Variants in SLC39A6 observed in about 807,000 individuals in gnomAD.
SLC39A6 encodes zinc transporter ZIP6.
Under a neutral mutation model 63.5 loss-of-function variants are expected in SLC39A6, and 51 were observed. The ratio of observed to expected loss-of-function variants is 0.80; its 90% CI spans 0.64 to 1.01. SLC39A6 has a LOEUF of 1.01. Among genes scored for constraint, SLC39A6 ranks in the 50% least tolerant of loss-of-function variants. The probability of loss-of-function intolerance (pLI) is 0.00; values close to 1 mark genes in which losing one functional copy is unlikely to be tolerated. For missense variants in SLC39A6, 805 were observed against 927.8 expected (o/e 0.87, Z 1.72); for synonymous variants, 318 against 324.7 (o/e 0.98, Z 0.22).
rs2089422982 is a variant in SLC39A6 at position 36,124,815 on chromosome 18, A to G, written c.790-115T>C. ...CGTTTTCTCGAGTTAATGAAAATTA[A>G]AATCAACTTCTGTTTTGAGCACTTT... On this transcript the variant is annotated intron_variant, in intron 2 of 9. Coordinates refer to ENST00000269187, the MANE Select transcript of SLC39A6 (RefSeq NM_012319.4). The G allele has an allele frequency of 1.5e-5, 13 of 849,334 alleles. No individual in the cohort carries two copies. The South Asian group carries it at 2.0e-4, about 13-fold the overall frequency. The allele number at this position is 849,334 out of a possible 1,614,324, so 52.6% of individuals were successfully genotyped here. A position where few individuals can be genotyped will look rare whatever the true frequency, so the allele number is the denominator to read the frequency against.
At position 36,118,735 on chromosome 18, in the gene SLC39A6, G is replaced by A. The variant is rs1030278592; in HGVS notation, c.1360-1956C>T. On this transcript the variant is annotated intron_variant, in intron 5 of 9. Transcript: ENST00000269187. The stretch of plus-strand genomic sequence containing the variant: ...TGGAGGAAGGATTTTAAGTAGTGGT[G>A]TGCAACCTCATCATATTTTCATTTA... 1.3e-5 allele frequency among the ~76,000 whole-genome samples: 2 copies of A among 152,310 alleles called. 1 individual carries two copies. Among genetic ancestry groups the A allele is most frequent in the East Asian group, 3.9e-4 (2 of 5,180 alleles).
Position 36,111,219 on chromosome 18 carries a change from A to G in SLC39A6, c.1955T>C (p.Met652Thr). ...GDFAVLLKAG[M>T]TVKQAVLYNA... ...ATAAAGGACAGCCTGCTTAACGGTCATGCCAGCCTTTAGTAGAACAGCAAA... is the reference window on the plus strand; with the variant it reads ...ATAAAGGACAGCCTGCTTAACGGTCGTGCCAGCCTTTAGTAGAACAGCAAA... The change falls in exon 9 of 10, where the codon ATG (methionine) becomes ACG (threonine). Residue 652 changes from methionine to threonine, a missense_variant. This residue lies in a region of SLC39A6 where 145 missense variants were observed against 227.2 expected (regional missense o/e 0.64). Transcript: ENST00000269187. The G allele has an allele frequency of 2.5e-6, 4 of 1,614,194 alleles. No individual in the cohort carries two copies. Among genetic ancestry groups the G allele is most frequent in the Non-Finnish European group, 3.4e-6 (4 of 1,180,000 alleles).
chr18:36,125,185 C>T (rs1226804776), intron 2 of SLC39A6, among the ~76,000 whole-genome samples: 1 of 152,094 alleles, frequency 6.6e-6, no homozygotes, highest in Non-Finnish European at 1.5e-5. Context: ...CAAAGTAATG[C>T]TCTGCAATGA....
chr18:36,126,241 T>A lies in SLC39A6; in HGVS notation c.767A>T (p.Asn256Ile). ...TACCTCCTGAGGATTTTCATTTGTG[T>A]TTCTGGAATACATAAAGCCTTTTCG... Reference protein sequence around the residue: ...EPRKGFMYSRNTNENPQECFN... With the variant: ...EPRKGFMYSRITNENPQECFN... Residue 256 changes from asparagine to isoleucine, a missense_variant, in exon 2 of 10, where the codon AAC (asparagine) becomes ATC (isoleucine). Coordinates refer to ENST00000269187, the MANE Select transcript of SLC39A6 (RefSeq NM_012319.4). The A allele has an allele frequency of 6.2e-7, 1 of 1,613,994 alleles. No homozygotes were observed.
chr18:36,118,845 G>GT (rs1236868819), intron 5 of SLC39A6, among the ~76,000 whole-genome samples: 1 of 152,220 alleles, frequency 6.6e-6, no homozygotes. Flanking sequence ...TTAGGAGGCA[G>GT]TAACTGTCAC....
rs1005468215 is a variant in SLC39A6 at position 36,126,189 on chromosome 18, T to C, written c.789+30A>G. On this transcript the variant is annotated intron_variant, in intron 2 of 9. Coordinates refer to ENST00000269187, the MANE Select transcript of SLC39A6 (RefSeq NM_012319.4). Reference sequence around the variant, plus strand: ...CAGAGACAGGACAGACACACAGGTATATTAAAATAATGAACAGCACTCATC... The same window carrying C: ...CAGAGACAGGACAGACACACAGGTACATTAAAATAATGAACAGCACTCATC... 3 of 1,572,686 alleles carry C rather than the reference T, an allele frequency of 1.9e-6. No homozygotes were observed. The African/African-American group carries it at 4.1e-5, about 21-fold the overall frequency.
In SLC39A6 at chr18:36,127,030, G is replaced by GA. The variant is rs532028641; in HGVS notation, c.-9-15dup. The GA allele has an allele frequency of 1.2e-4, 189 of 1,551,628 alleles. No individual in the cohort carries two copies. The highest frequency in any genetic ancestry group is 1.6e-4 in the East Asian group (7 of 44,310). Reference sequence around the variant, plus strand: ...CATTGCGCCTTCCTAGAAAAGACAGGAAAAAAAAATTCTTGACTCACTTCT... The same window carrying GA: ...CATTGCGCCTTCCTAGAAAAGACAGGAAAAAAAAAATTCTTGACTCACTTCT... On this transcript the variant is annotated splice_polypyrimidine_tract_variant and intron_variant, in intron 1 of 9. Coordinates refer to ENST00000269187, the MANE Select transcript of SLC39A6 (RefSeq NM_012319.4).
chr18:36,121,536 T>C (rs990892742), intron 5 of SLC39A6, among the ~76,000 whole-genome samples: 3 of 152,156 alleles, frequency 2.0e-5, no homozygotes, highest in Non-Finnish European at 2.9e-5. Context: ...CAAATTACCA[T>C]AGGCGACTCA....
intron 2 of SLC39A6, among the ~76,000 whole-genome samples, chr18:36,125,596 CTTTT>C (rs59134445): frequency 1.1e-4 from 16 of 148,130 alleles, no homozygotes; most frequent in African/African-American, 4.0e-4. Context: ...TTCCTTGTTC[CTTTT>C]TTTTTTGACA....
Position 36,114,383 on chromosome 18 carries a change from T to C in SLC39A6, c.1557A>G (p.Ile519Met). 6.2e-7 allele frequency: 1 copy of C among 1,614,220 alleles called. No homozygotes were observed. Among genetic ancestry groups the C allele is most frequent in the Non-Finnish European group, 8.5e-7 (1 of 1,180,026 alleles). Residue 519 changes from isoleucine to methionine, a missense_variant, in exon 7 of 10, where the codon ATA (isoleucine) becomes ATG (methionine). Around this residue, in one of 4 missense-constraint regions of SLC39A6, gnomAD observed 639 missense variants for 644.0 expected, o/e 0.99. Coordinates refer to ENST00000269187, the MANE Select transcript of SLC39A6 (RefSeq NM_012319.4). ...AGACTTCCTGTGGATGAGCATGAGC[T>C]ATCATGACCTCTTCTTCTTCCAAGA... ...PAVLEEEEVM[I>M]AHAHPQEVYN...
chr18:36,108,669 G>A lies in SLC39A6; in HGVS notation c.*924C>T, dbSNP rs2089278613. The A allele has an allele frequency of 6.6e-6, 1 of 152,140 alleles. No individual in the cohort carries two copies. Among genetic ancestry groups the A allele is most frequent in the Non-Finnish European group, 1.5e-5 (1 of 68,030 alleles). 9.4% of individuals were successfully genotyped at this position (152,140 alleles called of 1,614,324 possible). On this transcript the variant is annotated 3_prime_UTR_variant, in exon 10 of 10. Transcript: ENST00000269187. ...CACTGAAGCACTGAGAGATATCAAA[G>A]TACTTTCTGAATCGAATCAAATGAT...
chr18:36,128,798 G>A (rs1255543941), intron 1 of SLC39A6, among the ~76,000 whole-genome samples: 1 of 152,130 alleles, frequency 6.6e-6, no homozygotes, highest in Non-Finnish European at 1.5e-5. Context: ...GGAAAAGAGG[G>A]CACAAAGCTC....
intron 6 of SLC39A6, 40 bp from the exon 7 acceptor site, chr18:36,114,514 C>T: frequency 6.7e-7 from 1 of 1,500,258 alleles, no homozygotes; most frequent in Admixed American, 1.9e-5. Context: ...AGTTAGAAGG[C>T]TTTGTTAATG....
At position 36,122,213 on chromosome 18, in the gene SLC39A6, T is replaced by C; in HGVS notation, c.1198A>G (p.Arg400Gly). 6.2e-7 allele frequency: 1 copy of C among 1,614,122 alleles called. No homozygotes were observed. The highest frequency in any genetic ancestry group is 8.5e-7 in the Non-Finnish European group (1 of 1,179,990). Residue 400 changes from arginine to glycine, a missense_variant, in exon 5 of 10, where the codon AGA (arginine) becomes GGA (glycine). Arg to Gly is a moderately radical substitution (Grantham distance 125). Around this residue, in one of 4 missense-constraint regions of SLC39A6, gnomAD observed 639 missense variants for 644.0 expected, o/e 0.99. Transcript: ENST00000269187. ...SHEEPAMEMKRGPLFSHLSSQ... is the reference protein window; with the variant it reads ...SHEEPAMEMKGGPLFSHLSSQ... ...GACAGATGACTGAAAAGTGGTCCTC[T>C]TTTCATTTCCATTGCTGGTTCTTCA...
intron 4 of SLC39A6, 106 bp downstream of exon 4, chr18:36,123,389 A>G: frequency 9.3e-7 from 1 of 1,074,160 alleles, no homozygotes; most frequent in Non-Finnish European, 1.3e-6. Context: ...AAGCTTTTCT[A>G]AACCAAATTT....
intron 5 of SLC39A6, among the ~76,000 whole-genome samples, chr18:36,117,807 G>A (rs975257335): frequency 3.9e-5 from 6 of 152,074 alleles, no homozygotes; most frequent in African/African-American, 9.7e-5. Context: ...CGAGGTGGGC[G>A]GATCACAAGG....
At chr18:36,114,556 A>C (rs2089328641) in intron 6 of SLC39A6, 82 bp from the exon 7 acceptor site, 4 of 1,044,382 alleles carry the variant, frequency 3.8e-6, no homozygotes, top group Admixed American at 2.5e-5. Context: ...TCATTGAAAA[A>C]GTCAACAGAA....
In SLC39A6 at chr18:36,120,773, G is replaced by A. The variant is rs116085622; in HGVS notation, c.1359+1279C>T. 7.9e-3 allele frequency among the ~76,000 whole-genome samples: 1,207 copies of A among 152,154 alleles called. 14 individuals carry two copies. The highest frequency in any genetic ancestry group is 0.024 in the African/African-American group (1,014 of 41,474). On this transcript the variant is annotated intron_variant, in intron 5 of 9. Coordinates refer to ENST00000269187, the MANE Select transcript of SLC39A6 (RefSeq NM_012319.4). Reference sequence around the variant, plus strand: ...CTCCCAAAGTGCTAGGATCATAGGCGTGAGCCACCGTGCCTGGTAGGGGAT... The same window carrying A: ...CTCCCAAAGTGCTAGGATCATAGGCATGAGCCACCGTGCCTGGTAGGGGAT...
At chr18:36,112,417 G>T in intron 8 of SLC39A6, 84 bp downstream of exon 8, 1 of 941,370 alleles carries the variant, frequency 1.1e-6, no homozygotes, top group Non-Finnish European at 1.7e-6. Context: ...TGATGAAGAA[G>T]CTTGCTGAAC....
Sources: gnomAD v4.1 joint callset for allele counts (sites outside exome capture counted in the v4.1 genomes callset) on GRCh38, gnomAD v4.1.1 for gene constraint, gnomAD v4.1.1 regional missense constraint, MANE v1.5 for transcripts, NCBI Gene and HGNC (gene_info 2026-07-23, HGNC 2026-07-21) for gene names.